The following DLGAP4 variants were observed in gnomAD, a reference collection of about 807,000 sequenced individuals.
DLGAP4 encodes the protein disks large-associated protein 4.
DLGAP4 carries 18 observed loss-of-function variants against 86.9 expected under a neutral mutation model. The ratio of observed to expected loss-of-function variants is 0.21; its 90% confidence interval spans 0.14 to 0.31. The LOEUF is 0.31. Among genes scored for constraint, DLGAP4 ranks in the 10% least tolerant of loss-of-function variants. The pLI, the probability that DLGAP4 is intolerant of heterozygous loss-of-function variation, is 1.00. For missense variants in DLGAP4, 1,085 were observed against 1,362.6 expected (o/e 0.80, Z 3.21); for synonymous variants, 548 against 574.3 (o/e 0.95, Z 0.65).
chr20:36,504,691 C>T (rs189040381), intron 10 of DLGAP4, among the ~76,000 whole-genome samples: 2 of 152,236 alleles, frequency 1.3e-5, no homozygotes, highest in Non-Finnish European at 2.9e-5. Flanking sequence ...TTCTAGCCAT[C>T]CTAACGGCCA....
chr20:36,441,598 CCAGTACCTGGCA>C (rs2147565002), intron 5 of DLGAP4, among the ~76,000 whole-genome samples: 1 of 152,334 alleles, frequency 6.6e-6, no homozygotes, highest in South Asian at 2.1e-4. Flanking sequence ...TGCAGTGTCC[CCAGTACCTGGCA>C]CAGTGCCTGG....
intron 7 of DLGAP4, among the ~76,000 whole-genome samples, chr20:36,490,421 A>G (rs1378773668): frequency 2.0e-5 from 3 of 152,156 alleles, no homozygotes; most frequent in Non-Finnish European, 4.4e-5. Context: ...GAGTTGCCCA[A>G]TTTAGCTGTG....
chr20:36,338,464 C>T (rs1435561438), intron 1 of DLGAP4, among the ~76,000 whole-genome samples: 2 of 152,128 alleles, frequency 1.3e-5, no homozygotes. Context: ...CCCAGCTACT[C>T]GGGAGGCTGA....
chr20:36,486,554 T>C (rs951320211), intron 7 of DLGAP4, among the ~76,000 whole-genome samples: 1 of 126,048 alleles, frequency 7.9e-6, no homozygotes, highest in Non-Finnish European at 1.7e-5. Context: ...GAGGGGAGGG[T>C]GGGCCAGTTC....
Position 36,323,175 on chromosome 20 carries a change from C to CAA in DLGAP4, c.-304+16690_-304+16691dup, listed in dbSNP as rs1164348704. On this transcript the variant is annotated intron_variant, in intron 1 of 12. Coordinates refer to ENST00000339266, the MANE Select transcript of DLGAP4 (RefSeq NM_001365621.2). The stretch of plus-strand genomic sequence containing the variant: ...CTGGAGTGACACAGAGACCCTATCT[C>CAA]AAAAAAAAAAAAAAAAAAAAAAAAA... Among the ~76,000 whole-genome samples, 137 of 35,350 alleles carry CAA rather than the reference C, an allele frequency of 3.9e-3. 6 individuals carry two copies. The highest frequency in any genetic ancestry group is 4.9e-3 in the African/African-American group (75 of 15,360). 23.2% of individuals were successfully genotyped at this position (35,350 alleles called of 152,430 possible).
In DLGAP4 at chr20:36,484,466, T is replaced by G. The variant is rs557113889; in HGVS notation, c.1649-12239T>G. 1.6e-3 allele frequency among the ~76,000 whole-genome samples: 243 copies of G among 152,330 alleles called. 1 individual carries two copies. The highest frequency in any genetic ancestry group is 5.6e-3 in the African/African-American group (232 of 41,576). ...AGCAGCTGGGGTGGGGTGGAGGCAT[T>G]GCTCTGGCAACTGAGCAGGTCCCTC... On this transcript the variant is annotated intron_variant, in intron 7 of 12. Coordinates refer to ENST00000339266, the MANE Select transcript of DLGAP4 (RefSeq NM_001365621.2).
At chr20:36,503,755 A>C (rs2036248170) in intron 10 of DLGAP4, among the ~76,000 whole-genome samples, 1 of 152,124 alleles carries the variant, frequency 6.6e-6, no homozygotes, top group Admixed American at 6.5e-5. Context: ...CCCAAAGTGC[A>C]AAGTGCTGGG....
At chr20:36,461,692 C>CCGCCCT (rs1222434316) in intron 7 of DLGAP4, 11 of 477,714 alleles carry the variant, frequency 2.3e-5, no homozygotes, top group East Asian at 2.2e-4. Flanking sequence ...TGCCCCGCCC[C>CCGCCCT]CGCCCTCGCC....
intron 2 of DLGAP4, among the ~76,000 whole-genome samples, chr20:36,419,626 T>A (rs2032765479): frequency 6.6e-6 from 1 of 152,206 alleles, no homozygotes; most frequent in African/African-American, 2.4e-5. Context: ...AAGTCCTAAC[T>A]GGGGCTGCAG....
intron 7 of DLGAP4, among the ~76,000 whole-genome samples, chr20:36,494,978 TGTTCGG>T (rs372737764): frequency 1.4e-5 from 2 of 146,162 alleles, no homozygotes; most frequent in East Asian, 2.0e-4. Context: ...TTTTTTTTTT[TGTTCGG>T]TTTTTTTTTT....
chr20:36,393,971 A>G lies in DLGAP4; in HGVS notation c.-73+26696A>G, dbSNP rs1355559298. 6.6e-6 allele frequency among the ~76,000 whole-genome samples: 1 copy of G among 152,126 alleles called. No individual in the cohort carries two copies. The highest frequency in any genetic ancestry group is 1.9e-4 in the East Asian group (1 of 5,178). On this transcript the variant is annotated intron_variant, in intron 2 of 12. Coordinates refer to ENST00000339266, the MANE Select transcript of DLGAP4 (RefSeq NM_001365621.2). This position sits in a 1 kb window ranked among gnomAD's most constrained non-coding sequence, Gnocchi z 4.4. Reference sequence around the variant, plus strand: ...GTACACACAGGGAGGTGGCCTTCACAGGGTGCCCCCTCCCTCCTCCATGCC... The same window carrying G: ...GTACACACAGGGAGGTGGCCTTCACGGGGTGCCCCCTCCCTCCTCCATGCC...
chr20:36,347,722 A>G (rs951846058), intron 1 of DLGAP4, among the ~76,000 whole-genome samples: 3 of 150,940 alleles, frequency 2.0e-5, no homozygotes, highest in African/African-American at 7.3e-5. Flanking sequence ...ACTACTCAGG[A>G]GGCTGAGGCA....
intron 7 of DLGAP4, among the ~76,000 whole-genome samples, chr20:36,463,722 T>C (rs2034207219): frequency 6.6e-6 from 1 of 152,188 alleles, no homozygotes; most frequent in African/African-American, 2.4e-5. Context: ...ATAAAGTCAC[T>C]TTGTAGTTGT....
At chr20:36,461,937 G>A in intron 7 of DLGAP4, 6 of 984,744 alleles carry the variant, frequency 6.1e-6, no homozygotes, top group Non-Finnish European at 7.2e-6. Flanking sequence ...TCAGCCCTCA[G>A]AGCCGCCCTT....
Position 36,446,554 on chromosome 20 carries a change from A to G in DLGAP4, c.1408-143A>G, listed in dbSNP as rs569156106. On this transcript the variant is annotated intron_variant, in intron 6 of 12. Transcript: ENST00000339266. ...CTTAAGGGCTCCATCTCCCCATCCC[A>G]TACGCTGAGTGAGATGGACAGGGGT... 8.5e-5 allele frequency: 62 copies of G among 732,082 alleles called. 1 individual carries two copies. In the Admixed American group the frequency reaches 9.1e-4, roughly 11 times the overall value. 45.3% of individuals were successfully genotyped at this position (732,082 alleles called of 1,614,324 possible).
Position 36,527,112 on chromosome 20 carries a change from C to T in DLGAP4, c.*81C>T. 1 of 1,384,024 alleles carries T rather than the reference C, an allele frequency of 7.2e-7. No homozygotes were observed. The allele number at this position is 1,384,024 out of a possible 1,614,324, so 85.7% of individuals were successfully genotyped here. On this transcript the variant is annotated 3_prime_UTR_variant, in exon 13 of 13. Coordinates refer to ENST00000339266, the MANE Select transcript of DLGAP4 (RefSeq NM_001365621.2). ...GCGAACGGAACAGAGTTTTCTCAACCTTTGCTATGGTTATTCTGTCTAGAG... is the reference window on the plus strand; with the variant it reads ...GCGAACGGAACAGAGTTTTCTCAACTTTTGCTATGGTTATTCTGTCTAGAG...
At chr20:36,351,017 C>T (rs1004351010) in intron 1 of DLGAP4, among the ~76,000 whole-genome samples, 2 of 152,268 alleles carry the variant, frequency 1.3e-5, no homozygotes, top group East Asian at 1.9e-4. Context: ...TCAACTCCAG[C>T]GTGTGCCGCC....
chr20:36,412,771 G>A (rs1174590738), intron 2 of DLGAP4, among the ~76,000 whole-genome samples: 1 of 152,234 alleles, frequency 6.6e-6, no homozygotes, highest in East Asian at 1.9e-4. Context: ...TCTTTATTGA[G>A]CACCTACTAG....
chr20:36,307,199 C>T (rs1555889570), intron 1 of DLGAP4, among the ~76,000 whole-genome samples: 1 of 152,136 alleles, frequency 6.6e-6, no homozygotes, highest in Non-Finnish European at 1.5e-5. Flanking sequence ...GCTGGGGGGG[C>T]ACTCACATGG....
Sources: gnomAD v4.1 joint callset for allele counts (sites outside exome capture counted in the v4.1 genomes callset) on GRCh38, gnomAD v4.1.1 for gene constraint, Gnocchi (gnomAD v3.1) non-coding constraint, MANE v1.5 for transcripts, NCBI Gene and HGNC (gene_info 2026-07-23, HGNC 2026-07-21) for gene names.